The following ASPRV1 variants were observed in gnomAD, a reference collection of about 807,000 sequenced individuals.
ASPRV1 encodes retroviral-like aspartic protease 1.
In ASPRV1, 7 loss-of-function variants were observed where a neutral mutation model predicts 11.0. The observed-to-expected ratio is 0.64, with a 90% CI of 0.36 to 1.20. The LOEUF (loss-of-function observed/expected upper bound fraction) is 1.20, where lower values mean the gene tolerates loss of function less well. Among genes scored for constraint, ASPRV1 ranks in the 50% most tolerant of loss-of-function variants. ASPRV1 has a pLI of 0.02. For missense variants in ASPRV1, 299 were observed against 320.0 expected, an observed-to-expected ratio of 0.93 and a Z score of 0.50; for synonymous variants, 136 against 138.4, an observed-to-expected ratio of 0.98 and a Z score of 0.12.
the ASPRV1 span, among the ~76,000 whole-genome samples, chr2:70,078,229 A>G: frequency 6.6e-6 from 1 of 152,228 alleles, no homozygotes; most frequent in Admixed American, 6.5e-5. Flanking sequence ...CAGTGGGGCT[A>G]TAGCAATGAG....
At chr2:70,011,516 A>G in the ASPRV1 span, 1 of 152,684 alleles carries the variant, frequency 6.5e-6, no homozygotes, top group Non-Finnish European at 1.5e-5. Context: ...GGAGCCAGAT[A>G]AGGGGAGGAG....
the ASPRV1 span, among the ~76,000 whole-genome samples, chr2:69,945,764 G>A: frequency 1.1e-4 from 16 of 152,340 alleles, no homozygotes; most frequent in African/African-American, 3.6e-4. Flanking sequence ...GGAGGCCAAG[G>A]GCATGCACCT....
chr2:70,018,358 C>T, the ASPRV1 span, among the ~76,000 whole-genome samples: 2 of 151,832 alleles, frequency 1.3e-5, no homozygotes, highest in African/African-American at 4.8e-5. Flanking sequence ...CCCAAAATGA[C>T]CTACAGATTC....
At chr2:70,033,276 A>AACACACACAC in the ASPRV1 span, among the ~76,000 whole-genome samples, 1,118 of 141,586 alleles carry the variant, frequency 7.9e-3, 19 homozygotes, top group East Asian at 0.021. Flanking sequence ...TCAAACAGAA[A>AACACACACAC]ACACACACAC....
At chr2:70,062,410 CAATT>C in the ASPRV1 span, among the ~76,000 whole-genome samples, 9 of 152,226 alleles carry the variant, frequency 5.9e-5, no homozygotes, top group Admixed American at 2.0e-4. Context: ...CAAACCTACT[CAATT>C]AGAGTATCTA....
At chr2:70,009,693 G>A in the ASPRV1 span, among the ~76,000 whole-genome samples, 10 of 152,306 alleles carry the variant, frequency 6.6e-5, no homozygotes, top group South Asian at 2.1e-3. Flanking sequence ...GACAATGCAG[G>A]CCACATCTGT....
the ASPRV1 span, among the ~76,000 whole-genome samples, chr2:70,008,484 A>T: frequency 9.3e-6 from 1 of 107,672 alleles, no homozygotes; most frequent in Non-Finnish European, 1.6e-5. Flanking sequence ...AGAGGCAGCC[A>T]GGAACCTTGG....
chr2:70,000,448 A>C, the ASPRV1 span: 1 of 152,030 alleles, frequency 6.6e-6, no homozygotes, highest in Non-Finnish European at 1.5e-5. Flanking sequence ...AATAATAATA[A>C]TAAACTACAC....
chr2:69,955,108 C>T (rs890327391), downstream of ASPRV1, among the ~76,000 whole-genome samples: 17 of 152,188 alleles, frequency 1.1e-4, no homozygotes, highest in Admixed American at 3.9e-4. Flanking sequence ...TACTTGGCAA[C>T]GGTGGACTCA....
the ASPRV1 span, among the ~76,000 whole-genome samples, chr2:70,042,777 G>A: frequency 6.6e-6 from 1 of 152,082 alleles, no homozygotes; most frequent in African/African-American, 2.4e-5. Flanking sequence ...TAAGGTAGGG[G>A]GTACAGACCT....
chr2:70,055,618 G>A, the ASPRV1 span: 7 of 152,034 alleles, frequency 4.6e-5, no homozygotes, highest in African/African-American at 1.7e-4. Context: ...ACACACATCA[G>A]GGCTGTTGGG....
chr2:69,990,284 T>G, the ASPRV1 span, among the ~76,000 whole-genome samples: 1 of 152,074 alleles, frequency 6.6e-6, no homozygotes, highest in African/African-American at 2.4e-5. Flanking sequence ...CCTGGGTTCA[T>G]GCGATTCTCA....
chr2:69,942,508 A>G, the ASPRV1 span: 4 of 152,202 alleles, frequency 2.6e-5, no homozygotes, highest in Admixed American at 2.6e-4. Context: ...GAGAATTCAT[A>G]AGGCACCCAA....
the ASPRV1 span, among the ~76,000 whole-genome samples, chr2:69,934,597 C>G: frequency 6.6e-6 from 1 of 152,200 alleles, no homozygotes; most frequent in African/African-American, 2.4e-5. Context: ...CCTGCCCAGC[C>G]AGTTTCTTAT....
At chr2:70,037,122 A>C in the ASPRV1 span, among the ~76,000 whole-genome samples, 14 of 152,284 alleles carry the variant, frequency 9.2e-5, 1 homozygote, top group Middle Eastern at 6.8e-3. Flanking sequence ...TCTTGGATGT[A>C]CCTCTAGCTC....
chr2:69,989,737 C>A, the ASPRV1 span, among the ~76,000 whole-genome samples: 4 of 152,246 alleles, frequency 2.6e-5, no homozygotes, highest in African/African-American at 9.6e-5. Flanking sequence ...TGGGCCCCAC[C>A]CAGGTGATGT....
the ASPRV1 span, among the ~76,000 whole-genome samples, chr2:69,980,262 T>C: frequency 6.6e-6 from 1 of 152,142 alleles, no homozygotes; most frequent in African/African-American, 2.4e-5. Flanking sequence ...TGCAGGTGAT[T>C]GAGAAATCAA....
chr2:70,022,865 T>TA, the ASPRV1 span, among the ~76,000 whole-genome samples: 412 of 147,658 alleles, frequency 2.8e-3, 4 homozygotes, highest in Non-Finnish European at 4.9e-3. Flanking sequence ...TCAATAAAGC[T>TA]AAAAAAAAAA....
At chr2:70,017,506 T>C in the ASPRV1 span, among the ~76,000 whole-genome samples, 3 of 151,576 alleles carry the variant, frequency 2.0e-5, no homozygotes, top group East Asian at 5.8e-4. Flanking sequence ...CAGACACTTC[T>C]ATTGAAAACA....
Sources: allele counts gnomAD v4.1 joint callset (sites outside exome capture counted in the v4.1 genomes callset), GRCh38; gene constraint gnomAD v4.1.1; transcripts MANE v1.5; gene names NCBI Gene and HGNC (gene_info 2026-07-23, HGNC 2026-07-21).